The following GNAI1 variants were observed in gnomAD, a reference collection of about 807,000 sequenced individuals.
GNAI1 encodes G protein subunit alpha i1.
A neutral mutation model predicts 38.9 loss-of-function variants in GNAI1; 11 were observed. The ratio of observed to expected loss-of-function variants is 0.28; its 90% CI spans 0.18 to 0.47. The LOEUF (loss-of-function observed/expected upper bound fraction) is 0.47. Ranked by LOEUF, GNAI1 falls within the 20% of genes least tolerant of loss-of-function variation. The pLI is 0.99. For missense variants in GNAI1, 317 were observed against 436.9 expected, an observed-to-expected ratio of 0.73 and a Z score of 2.45; for synonymous variants, 166 against 145.1, an observed-to-expected ratio of 1.14 and a Z score of -1.04.
intron 1 of GNAI1, among the ~76,000 whole-genome samples, chr7:80,164,278 G>A (rs1584020430): frequency 6.6e-6 from 1 of 151,644 alleles, no homozygotes; most frequent in Admixed American, 6.6e-5. Context: ...TCTTGACCTC[G>A]TGAGCTGCCA....
intron 1 of GNAI1, among the ~76,000 whole-genome samples, chr7:80,137,184 G>T (rs1255968957): frequency 6.6e-6 from 1 of 151,108 alleles, no homozygotes; most frequent in Non-Finnish European, 1.5e-5. Flanking sequence ...GTATAATACA[G>T]AACCAGAAGT....
intron 4 of GNAI1, among the ~76,000 whole-genome samples, chr7:80,202,507 C>T (rs911687983): frequency 8.6e-5 from 13 of 151,886 alleles, no homozygotes; most frequent in Admixed American, 5.2e-4. Context: ...TTTGTTAAGT[C>T]GGATTTTCTT....
In GNAI1 at chr7:80,225,078, G is replaced by A. The variant is rs962306593; in HGVS notation, c.*7585G>A. Among the ~76,000 whole-genome samples the A allele has an allele frequency of 6.6e-6, 1 of 152,150 alleles. No individual in the cohort carries two copies. The highest frequency in any genetic ancestry group is 6.5e-5 in the Admixed American group (1 of 15,288). The stretch of plus-strand genomic sequence containing the variant: ...TAAAATTTGAATGTGGAAGATGTGG[G>A]TCTTGGTGTCTTGAATAAATCACAC... On this transcript the variant is annotated 3_prime_UTR_variant, in exon 8 of 8. Transcript: ENST00000649796.
intron 1 of GNAI1, chr7:80,135,975 T>C: frequency 1.0e-6 from 1 of 985,238 alleles, no homozygotes; most frequent in Non-Finnish European, 1.2e-6. Flanking sequence ...AGGCAGATAC[T>C]CGAGTGGTGA....
At chr7:80,141,048 A>G (rs1787517099) in intron 1 of GNAI1, among the ~76,000 whole-genome samples, 1 of 152,140 alleles carries the variant, frequency 6.6e-6, no homozygotes, top group African/African-American at 2.4e-5. Flanking sequence ...TTGTAATTAC[A>G]TTGGGCCCAC....
At chr7:80,191,187 G>C (rs1427908419) in intron 3 of GNAI1, among the ~76,000 whole-genome samples, 1 of 151,550 alleles carries the variant, frequency 6.6e-6, no homozygotes, top group Non-Finnish European at 1.5e-5. Context: ...GGTCTACTCC[G>C]TGTTTTGTGT....
At chr7:80,178,866 T>C (rs1788241720) in intron 1 of GNAI1, among the ~76,000 whole-genome samples, 1 of 152,188 alleles carries the variant, frequency 6.6e-6, no homozygotes, top group African/African-American at 2.4e-5. Flanking sequence ...TAATCAAACT[T>C]TAAGAAGTTA....
At chr7:80,208,620 T>G (rs1324945364) in intron 5 of GNAI1, among the ~76,000 whole-genome samples, 1 of 152,164 alleles carries the variant, frequency 6.6e-6, no homozygotes, top group Non-Finnish European at 1.5e-5. Context: ...GACTCTGAGT[T>G]CTTTGTTTAT....
chr7:80,205,512 T>A (rs1458238886), intron 5 of GNAI1, among the ~76,000 whole-genome samples: 3 of 152,134 alleles, frequency 2.0e-5, no homozygotes, highest in Admixed American at 6.6e-5. Context: ...AAGGAAAATT[T>A]TAATATTTCA....
chr7:80,187,098 C>A (rs927640534), intron 1 of GNAI1: 11 of 151,994 alleles, frequency 7.2e-5, no homozygotes, highest in Non-Finnish European at 1.6e-4. Flanking sequence ...ACATATCAAA[C>A]CACAAGTAAA....
At chr7:80,158,254 CA>C (rs1426398897) in intron 1 of GNAI1, among the ~76,000 whole-genome samples, 3 of 152,142 alleles carry the variant, frequency 2.0e-5, no homozygotes, top group Non-Finnish European at 2.9e-5. Flanking sequence ...TTGATATCTA[CA>C]AAATAATTTG....
intron 5 of GNAI1, among the ~76,000 whole-genome samples, chr7:80,208,587 A>C (rs1474037576): frequency 6.6e-6 from 1 of 152,274 alleles, no homozygotes; most frequent in African/African-American, 2.4e-5. Context: ...GAATCACATC[A>C]AAGTTTGAGA....
chr7:80,216,525 C>G (rs1788972104), intron 7 of GNAI1, among the ~76,000 whole-genome samples: 1 of 152,148 alleles, frequency 6.6e-6, no homozygotes, highest in Non-Finnish European at 1.5e-5. Flanking sequence ...AGTATGCGAT[C>G]TTTTTGCATC....
At chr7:80,137,273 C>G in intron 1 of GNAI1, among the ~76,000 whole-genome samples, 1 of 115,448 alleles carries the variant, frequency 8.7e-6, no homozygotes, top group East Asian at 2.6e-4. Context: ...TTATGGAATT[C>G]TTATTTCTTT....
chr7:80,170,281 C>A (rs1401727891), intron 1 of GNAI1, among the ~76,000 whole-genome samples: 1 of 152,148 alleles, frequency 6.6e-6, no homozygotes, highest in Non-Finnish European at 1.5e-5. Context: ...TTCCATAATT[C>A]TTCTACATTT....
Position 80,220,415 on chromosome 7 carries a change from C to T in GNAI1, c.*2922C>T, listed in dbSNP as rs1002270994. 1.3e-5 allele frequency among the ~76,000 whole-genome samples: 2 copies of T among 152,142 alleles called. No homozygotes were observed. The highest frequency in any genetic ancestry group is 2.9e-5 in the Non-Finnish European group (2 of 68,024). On this transcript the variant is annotated 3_prime_UTR_variant, in exon 8 of 8. Coordinates refer to ENST00000649796, the MANE Select transcript of GNAI1 (RefSeq NM_002069.6). ...CTTTTAGACTCCTCTGGCATCTGTT[C>T]TTCAGGGTGCCCTTCTGGGAACTAC...
At chr7:80,155,033 A>AT (rs1296225181) in intron 1 of GNAI1, among the ~76,000 whole-genome samples, 1 of 152,068 alleles carries the variant, frequency 6.6e-6, no homozygotes, top group Non-Finnish European at 1.5e-5. Flanking sequence ...TACATTGCTT[A>AT]TTTTTTCCAT....
chr7:80,182,733 T>C (rs1009468067), intron 1 of GNAI1, among the ~76,000 whole-genome samples: 45 of 149,184 alleles, frequency 3.0e-4, no homozygotes, highest in Non-Finnish European at 3.3e-4. Context: ...ATCTAAGAGA[T>C]TGAAAAGACA....
intron 5 of GNAI1, among the ~76,000 whole-genome samples, chr7:80,209,584 A>G (rs1788838975): frequency 6.6e-6 from 1 of 152,202 alleles, no homozygotes; most frequent in Non-Finnish European, 1.5e-5. Flanking sequence ...TAGCCAAGTT[A>G]ACACACAAAA....
Sources: gnomAD v4.1 joint callset for allele counts (sites outside exome capture counted in the v4.1 genomes callset) on GRCh38, gnomAD v4.1.1 for gene constraint, MANE v1.5 for transcripts, NCBI Gene and HGNC (gene_info 2026-07-23, HGNC 2026-07-21) for gene names.